The following CDH1 variants were observed in gnomAD, a reference collection of about 807,000 sequenced individuals.
The protein encoded by CDH1 is cadherin-1.
A neutral mutation model predicts 84.5 loss-of-function variants in CDH1; 35 were observed. The observed-to-expected ratio is 0.41, with a 90% CI of 0.32 to 0.55. The LOEUF (loss-of-function observed/expected upper bound fraction) is 0.55, where lower values mean the gene tolerates loss of function less well. Among genes scored for constraint, CDH1 ranks in the 20% least tolerant of loss-of-function variants. The probability of loss-of-function intolerance (pLI) is 0.19; values close to 1 mark genes in which losing one functional copy is unlikely to be tolerated. For synonymous variants in CDH1, 417 were observed against 439.0 expected (o/e 0.95, Z 0.63); for missense variants, 994 against 1,126.6 (o/e 0.88, Z 1.68).
chr16:68,810,602 G>A (rs1015338535), intron 6 of CDH1, among the ~76,000 whole-genome samples: 14 of 150,478 alleles, frequency 9.3e-5, no homozygotes, highest in Non-Finnish European at 1.8e-4. Context: ...GGTGGCTCAT[G>A]CCTGTAATCC....
chr16:68,818,849 CAAA>C (rs758115524), intron 10 of CDH1, among the ~76,000 whole-genome samples: 51 of 72,514 alleles, frequency 7.0e-4, no homozygotes, highest in African/African-American at 1.9e-3. Context: ...GACTCCGTCT[CAAA>C]AAAAAAAAAA....
intron 2 of CDH1, among the ~76,000 whole-genome samples, chr16:68,775,130 A>AG (rs1959693601): frequency 6.6e-6 from 1 of 151,442 alleles, no homozygotes; most frequent in African/African-American, 2.4e-5. Flanking sequence ...TGTCTCAAAA[A>AG]AAAAAAAAAA....
At chr16:68,818,747 G>A (rs572811618) in intron 10 of CDH1, among the ~76,000 whole-genome samples, 8 of 150,350 alleles carry the variant, frequency 5.3e-5, no homozygotes, top group Non-Finnish European at 1.2e-4. Flanking sequence ...CTACTCCGGA[G>A]GCTGAGGCAG....
rs1182507842 is a variant in CDH1, at chr16:68,784,034, A to T, written c.164-17636A>T. Among the ~76,000 whole-genome samples, 4 of 152,098 alleles carry T rather than the reference A, an allele frequency of 2.6e-5. No individual in the cohort carries two copies. The East Asian group carries it at 7.7e-4, about 29-fold the overall frequency. The stretch of plus-strand genomic sequence containing the variant: ...TTGAGTGGATGCCCATCATTGATTT[A>T]TCCAGCCCTCTGTCAATGATGTGTC... On this transcript the variant is annotated intron_variant, in intron 2 of 15. Coordinates refer to ENST00000261769, the MANE Select transcript of CDH1 (RefSeq NM_004360.5).
intron 6 of CDH1, among the ~76,000 whole-genome samples, chr16:68,810,859 C>T (rs1191585727): frequency 6.6e-6 from 1 of 151,450 alleles, no homozygotes; most frequent in Non-Finnish European, 1.5e-5. Context: ...GATCCAGACT[C>T]CGTCTCAAAA....
intron 2 of CDH1, among the ~76,000 whole-genome samples, chr16:68,788,105 G>T (rs1376834871): frequency 6.6e-6 from 1 of 152,116 alleles, no homozygotes; most frequent in Non-Finnish European, 1.5e-5. Flanking sequence ...GGGATTACAG[G>T]TGTGAGCCAC....
At position 68,801,515 on chromosome 16, in the gene CDH1, A is replaced by G. The variant is rs1277101103; in HGVS notation, c.164-155A>G. Among the ~76,000 whole-genome samples the G allele has an allele frequency of 2.0e-5, 3 of 152,232 alleles. No homozygotes were observed. In the East Asian group the frequency reaches 5.8e-4, roughly 29 times the overall value. ...TCATCCTGTAGTTGTGAAGAACATT[A>G]TGGTGATAGCTTTGTTGTTCTGTCA... On this transcript the variant is annotated intron_variant, in intron 2 of 15. Coordinates refer to ENST00000261769, the MANE Select transcript of CDH1 (RefSeq NM_004360.5).
At chr16:68,774,153 A>G (rs1959663457) in intron 2 of CDH1, among the ~76,000 whole-genome samples, 2 of 152,128 alleles carry the variant, frequency 1.3e-5, no homozygotes, top group Admixed American at 6.5e-5. Context: ...GCCTCAAGCA[A>G]TCCTCCTGCT....
intron 2 of CDH1, among the ~76,000 whole-genome samples, chr16:68,775,815 T>A (rs1001939631): frequency 1.3e-5 from 2 of 152,194 alleles, no homozygotes; most frequent in Non-Finnish European, 2.9e-5. Flanking sequence ...CAAGAAAGTG[T>A]AAACTTAGGT....
At chr16:68,767,666 T>A (rs2152120236) in intron 2 of CDH1, among the ~76,000 whole-genome samples, 1 of 152,384 alleles carries the variant, frequency 6.6e-6, no homozygotes, top group Non-Finnish European at 1.5e-5. Context: ...TTTGTTTTTT[T>A]ATTTACTTTG....
intron 2 of CDH1, among the ~76,000 whole-genome samples, chr16:68,745,545 A>ATATATATATATATCTATGTATAT (rs1399448265): frequency 5.1e-5 from 1 of 19,442 alleles, no homozygotes; most frequent in African/African-American, 1.1e-4. Flanking sequence ...AAAAAAAAAA[A>ATATATATATATATCTATGTATAT]AAAAATATAT....
intron 8 of CDH1, among the ~76,000 whole-genome samples, chr16:68,812,519 A>G (rs1960867850): frequency 6.6e-6 from 1 of 152,218 alleles, no homozygotes; most frequent in Non-Finnish European, 1.5e-5. Flanking sequence ...CTCATGGTAC[A>G]TTTTTATAGC....
chr16:68,789,965 A>AGAAT lies in CDH1; in HGVS notation c.164-11704_164-11701dup, dbSNP rs765649327. On this transcript the variant is annotated intron_variant, in intron 2 of 15. Transcript: ENST00000261769. ...CATCTACTCGGGAGGCTGAGGCAGG[A>AGAAT]GAATCACTTGAACCCGGGAGGCAGA... 4.6e-5 allele frequency among the ~76,000 whole-genome samples: 7 copies of AGAAT among 152,340 alleles called. No homozygotes were observed. The East Asian group carries it at 7.7e-4, about 17-fold the overall frequency.
Position 68,833,528 on chromosome 16 carries a change from CA to C in CDH1, c.*30del, listed in dbSNP as rs1961551698. On this transcript the variant is annotated 3_prime_UTR_variant, in exon 16 of 16. Coordinates refer to ENST00000261769, the MANE Select transcript of CDH1 (RefSeq NM_004360.5). ...ACTCGAGAGAGGCGGGCCCCAGACC[CA>C]TGTGCTGGGAAATGCAGAAATCACG... is the stretch of plus-strand genomic sequence containing the variant. 1.3e-6 allele frequency: 2 copies of C among 1,564,676 alleles called. No homozygotes were observed. The highest frequency in any genetic ancestry group is 2.7e-5 in the African/African-American group (2 of 74,078).
chr16:68,749,291 G>A (rs1459828659), intron 2 of CDH1, among the ~76,000 whole-genome samples: 1 of 152,208 alleles, frequency 6.6e-6, no homozygotes, highest in Non-Finnish European at 1.5e-5. Flanking sequence ...TTTTTGGTGA[G>A]GAATATGTTG....
intron 2 of CDH1, among the ~76,000 whole-genome samples, chr16:68,745,549 A>AAAATATATATATATATGT (rs1555510453): frequency 0.01 from 779 of 75,080 alleles, 11 homozygotes; most frequent in African/African-American, 0.028. Context: ...AAAAAAAAAA[A>AAAATATATATATATATGT]ATATATATAT....
At position 68,819,299 on chromosome 16, in the gene CDH1, A is replaced by C. The variant is rs776890776; in HGVS notation, c.1585A>C (p.Thr529Pro). Residue 529 changes from threonine (T) to proline (P), a missense_variant, in exon 11 of 16, where the codon ACT becomes CCT. Transcript: ENST00000261769. ...QKITYRIWRD[T>P]ANWLEINPDT... Reference sequence around the variant, plus strand: ...GTTCAGATATCGGATTTGGAGAGACACTGCCAACTGGCTGGAGATTAATCC... The same window carrying C: ...GTTCAGATATCGGATTTGGAGAGACCCTGCCAACTGGCTGGAGATTAATCC... The C allele has an allele frequency of 2.5e-6, 4 of 1,614,114 alleles. No individual in the cohort carries two copies. In the African/African-American group the frequency reaches 5.3e-5, roughly 22 times the overall value.
intron 2 of CDH1, among the ~76,000 whole-genome samples, chr16:68,771,902 C>T (rs55907909): frequency 0.48 from 73,271 of 151,998 alleles, 18,886 homozygotes; most frequent in Non-Finnish European, 0.58. Context: ...TATTCTGTGT[C>T]TGACAGTGCT....
intron 2 of CDH1, among the ~76,000 whole-genome samples, chr16:68,788,361 A>G (rs1175860622): frequency 6.6e-6 from 1 of 152,234 alleles, no homozygotes; most frequent in Non-Finnish European, 1.5e-5. Context: ...AAACGTACAC[A>G]GCTGTTGAGC....
Sources: gnomAD v4.1 joint callset for allele counts (sites outside exome capture counted in the v4.1 genomes callset) on GRCh38, gnomAD v4.1.1 for gene constraint, MANE v1.5 for transcripts, NCBI Gene and HGNC (gene_info 2026-07-23, HGNC 2026-07-21) for gene names.